Variants in PDE4D observed in about 807,000 individuals in gnomAD.
PDE4D encodes the protein phosphodiesterase 4D.
In PDE4D, 24 loss-of-function variants were observed where a neutral mutation model predicts 87.4. The observed-to-expected ratio is 0.27, with a 90% CI of 0.20 to 0.39. The LOEUF (loss-of-function observed/expected upper bound fraction) is 0.39, where lower values mean the gene tolerates loss of function less well. PDE4D is among the 10% of genes least tolerant of loss of function. The pLI is 1.00. For missense variants in PDE4D, 714 were observed against 1,041.0 expected, an observed-to-expected ratio of 0.69 and a Z score of 4.32; for synonymous variants, 384 against 383.2, an observed-to-expected ratio of 1.00 and a Z score of -0.02.
intron 11 of PDE4D, among the ~76,000 whole-genome samples, chr5:58,986,179 C>T (rs950021569): frequency 6.6e-6 from 1 of 152,212 alleles, no homozygotes; most frequent in Non-Finnish European, 1.5e-5. Flanking sequence ...GATTAGTTAT[C>T]CTTCCATCCC....
intron 1 of PDE4D, among the ~76,000 whole-genome samples, chr5:60,353,179 G>A (rs1388839421): frequency 3.3e-5 from 5 of 152,116 alleles, no homozygotes; most frequent in Admixed American, 2.6e-4. Flanking sequence ...TGCCACCTTG[G>A]GTCACTGCCA....
At chr5:60,372,391 C>G (rs1561178813) in intron 1 of PDE4D, 1 of 152,384 alleles carries the variant, frequency 6.6e-6, no homozygotes, top group East Asian at 1.9e-4. Context: ...TGGCCTTTCT[C>G]AATGGTCCAC....
chr5:60,146,724 T>A (rs984293154), intron 2 of PDE4D, among the ~76,000 whole-genome samples: 4 of 152,170 alleles, frequency 2.6e-5, no homozygotes, highest in Non-Finnish European at 5.9e-5. Flanking sequence ...TTGCATCCGA[T>A]ATGAATATTC....
rs1229009232 is a variant in PDE4D, at chr5:59,684,453, AT to A, written c.455+208714del. On this transcript the variant is annotated intron_variant, in intron 1 of 14. Transcript: ENST00000340635. ...ATAAATATCACAGAAAAATACAAGA[AT>A]TTTTGAATTACAAAAGAGAATGGTA... Among the ~76,000 whole-genome samples, 3 of 152,212 alleles carry A rather than the reference AT, an allele frequency of 2.0e-5. No individual in the cohort carries two copies. In the East Asian group the frequency reaches 5.8e-4, roughly 29 times the overall value.
chr5:59,164,788 C>A (rs1781657041), intron 5 of PDE4D, among the ~76,000 whole-genome samples: 1 of 152,056 alleles, frequency 6.6e-6, no homozygotes, highest in Non-Finnish European at 1.5e-5. Context: ...GTAAGGAAGG[C>A]ATGATTGCAC....
At chr5:59,768,616 G>A in intron 1 of PDE4D, 2 of 1,538,574 alleles carry the variant, frequency 1.3e-6, no homozygotes, top group Non-Finnish European at 1.7e-6. Context: ...GCTGCTGTTA[G>A]TGCATTCAGT....
intron 1 of PDE4D, among the ~76,000 whole-genome samples, chr5:59,825,209 A>C (rs1462040728): frequency 6.6e-6 from 1 of 152,188 alleles, no homozygotes; most frequent in East Asian, 1.9e-4. Flanking sequence ...TTAAGCATAC[A>C]AAAGCATCCA....
At chr5:60,319,727 T>C (rs891137084) in intron 1 of PDE4D, among the ~76,000 whole-genome samples, 4 of 152,238 alleles carry the variant, frequency 2.6e-5, no homozygotes, top group Admixed American at 6.5e-5. Flanking sequence ...TTCAGGTCTG[T>C]TGGAGTTTGC....
At chr5:60,108,808 T>G (rs1190502156) in intron 2 of PDE4D, among the ~76,000 whole-genome samples, 2 of 152,160 alleles carry the variant, frequency 1.3e-5, no homozygotes, top group Non-Finnish European at 2.9e-5. Context: ...GCTAGCCCTA[T>G]GTAGAAAGCT....
intron 1 of PDE4D, among the ~76,000 whole-genome samples, chr5:59,338,728 AG>A (rs1006073133): frequency 6.6e-6 from 1 of 152,196 alleles, no homozygotes; most frequent in Non-Finnish European, 1.5e-5. Context: ...CCAAGTTCCC[AG>A]GGGGCAGGCT....
chr5:59,675,459 T>C (rs1221338425), intron 1 of PDE4D, among the ~76,000 whole-genome samples: 1 of 152,226 alleles, frequency 6.6e-6, no homozygotes, highest in African/African-American at 2.4e-5. Flanking sequence ...ACAGTCATGA[T>C]ATTTTTGGCA....
chr5:59,502,344 T>G (rs898319222), intron 1 of PDE4D, among the ~76,000 whole-genome samples: 1 of 152,130 alleles, frequency 6.6e-6, no homozygotes, highest in Non-Finnish European at 1.5e-5. Flanking sequence ...CTTTCAGATT[T>G]AAAGCACTCA....
intron 1 of PDE4D, among the ~76,000 whole-genome samples, chr5:59,638,523 A>T (rs972120748): frequency 6.6e-6 from 1 of 152,208 alleles, no homozygotes; most frequent in African/African-American, 2.4e-5. Flanking sequence ...GCCAACACAC[A>T]TGTTTGAGAA....
At chr5:59,668,762 AAAGAAG>A (rs1314098752) in intron 1 of PDE4D, among the ~76,000 whole-genome samples, 1 of 138,138 alleles carries the variant, frequency 7.2e-6, no homozygotes, top group African/African-American at 2.7e-5. Flanking sequence ...AAGAAAGAAG[AAAGAAG>A]AAGAAGAAAG....
chr5:60,193,669 CAAAAAAAA>C (rs35340734), intron 1 of PDE4D, among the ~76,000 whole-genome samples: 2 of 46,888 alleles, frequency 4.3e-5, no homozygotes, highest in Admixed American at 2.8e-4. Context: ...GACTCCGTCT[CAAAAAAAA>C]AAAAAAAAAA....
In PDE4D at chr5:59,877,353, A is replaced by G. The variant is rs530346471; in HGVS notation, c.455+15815T>C. Reference sequence around the variant, plus strand: ...ACATGGCAGAGATTTTTAAAAACATACAATTGATAAAAAGGATAAAAAAGC... The same window carrying G: ...ACATGGCAGAGATTTTTAAAAACATGCAATTGATAAAAAGGATAAAAAAGC... On this transcript the variant is annotated intron_variant, in intron 1 of 14. Transcript: ENST00000340635. 2.6e-5 allele frequency among the ~76,000 whole-genome samples: 4 copies of G among 152,130 alleles called. No individual in the cohort carries two copies. The South Asian group carries it at 8.3e-4, about 32-fold the overall frequency.
At chr5:59,744,051 C>T (rs945011712) in intron 1 of PDE4D, among the ~76,000 whole-genome samples, 3 of 152,136 alleles carry the variant, frequency 2.0e-5, no homozygotes, top group Non-Finnish European at 4.4e-5. Context: ...AGCTTGTTAA[C>T]CAATAGTTCC....
intron 1 of PDE4D, among the ~76,000 whole-genome samples, chr5:60,244,353 T>C (rs1781956383): frequency 6.6e-6 from 1 of 152,002 alleles, no homozygotes; most frequent in African/African-American, 2.4e-5. Flanking sequence ...AGAATGAATA[T>C]TGTTAAAATG....
chr5:59,260,100 C>A (rs1761719704), intron 1 of PDE4D, among the ~76,000 whole-genome samples: 1 of 151,840 alleles, frequency 6.6e-6, no homozygotes, highest in Non-Finnish European at 1.5e-5. Flanking sequence ...TTATCTGTTA[C>A]TCCTTTAAAA....
Sources: allele counts gnomAD v4.1 joint callset (sites outside exome capture counted in the v4.1 genomes callset), GRCh38; gene constraint gnomAD v4.1.1; transcripts MANE v1.5; gene names NCBI Gene and HGNC (gene_info 2026-07-23, HGNC 2026-07-21).